Variants in PPP1R9A observed in about 807,000 individuals in gnomAD.
PPP1R9A encodes the protein protein phosphatase 1 regulatory subunit 9A.
PPP1R9A carries 59 observed loss-of-function variants against 141.9 expected under a neutral mutation model. That is an observed-to-expected ratio of 0.42 (90% CI 0.34 to 0.52). The LOEUF (loss-of-function observed/expected upper bound fraction) is 0.52. PPP1R9A is among the 20% of genes least tolerant of loss of function. The probability of loss-of-function intolerance (pLI) is 0.10; values close to 1 mark genes in which losing one functional copy is unlikely to be tolerated. For synonymous variants in PPP1R9A, 500 were observed against 569.7 expected (o/e 0.88, Z 1.74); for missense variants, 1,444 against 1,611.9 (o/e 0.90, Z 1.78).
At chr7:95,022,631 G>T (rs1368594064) in intron 2 of PPP1R9A, among the ~76,000 whole-genome samples, 1 of 151,996 alleles carries the variant, frequency 6.6e-6, no homozygotes, top group Admixed American at 6.6e-5. Flanking sequence ...CAAATAGCTG[G>T]TCTTATTTTG....
At chr7:95,003,663 C>T (rs1803235245) in intron 2 of PPP1R9A, among the ~76,000 whole-genome samples, 1 of 152,166 alleles carries the variant, frequency 6.6e-6, no homozygotes, top group Admixed American at 6.6e-5. Context: ...TGGTTCTCAA[C>T]CCTGGCTACT....
At chr7:95,027,434 A>G (rs1584343921) in intron 2 of PPP1R9A, among the ~76,000 whole-genome samples, 1 of 152,092 alleles carries the variant, frequency 6.6e-6, no homozygotes, top group Non-Finnish European at 1.5e-5. Context: ...ACCAGTCCCC[A>G]TGAGATGAGC....
intron 2 of PPP1R9A, among the ~76,000 whole-genome samples, chr7:94,978,637 A>G (rs1207989686): frequency 6.6e-6 from 1 of 152,198 alleles, no homozygotes; most frequent in Non-Finnish European, 1.5e-5. Flanking sequence ...TTTTCCCAAA[A>G]TAAACACCAG....
intron 2 of PPP1R9A, among the ~76,000 whole-genome samples, chr7:95,080,505 C>G (rs1365289419): frequency 6.6e-6 from 1 of 152,098 alleles, no homozygotes; most frequent in African/African-American, 2.4e-5. Context: ...ATGAAAATGG[C>G]CATACTGCCC....
At chr7:95,143,082 C>A (rs1017990893) in intron 4 of PPP1R9A, among the ~76,000 whole-genome samples, 6 of 152,068 alleles carry the variant, frequency 3.9e-5, no homozygotes, top group African/African-American at 1.4e-4. Flanking sequence ...AGTCCTGGCC[C>A]TCTTTGTTGA....
At chr7:95,088,250 G>A (rs1816892348) in intron 2 of PPP1R9A, among the ~76,000 whole-genome samples, 1 of 151,968 alleles carries the variant, frequency 6.6e-6, no homozygotes, top group Admixed American at 6.6e-5. Flanking sequence ...AATGAGAAGA[G>A]CATTCATCAC....
At chr7:95,011,316 C>T (rs1340232051) in intron 2 of PPP1R9A, among the ~76,000 whole-genome samples, 1 of 151,980 alleles carries the variant, frequency 6.6e-6, no homozygotes, top group Non-Finnish European at 1.5e-5. Context: ...TAGTCTTTCT[C>T]GGAGTTTCTT....
intron 7 of PPP1R9A, among the ~76,000 whole-genome samples, chr7:95,219,027 A>G (rs1204073448): frequency 1.3e-5 from 2 of 152,034 alleles, no homozygotes; most frequent in African/African-American, 2.4e-5. Context: ...TTAGCTGGTT[A>G]TTTTGCTCGT....
chr7:94,994,393 C>T (rs984075115), intron 2 of PPP1R9A, among the ~76,000 whole-genome samples: 1 of 151,860 alleles, frequency 6.6e-6, no homozygotes, highest in Non-Finnish European at 1.5e-5. Flanking sequence ...GCCAAGATGC[C>T]GTATTTTGGG....
rs759479039 is a variant in PPP1R9A at position 95,286,341 on chromosome 7, T to C, written c.3729+16T>C. 1 of 1,611,408 alleles carries C rather than the reference T, an allele frequency of 6.2e-7. No individual in the cohort carries two copies. The highest frequency in any genetic ancestry group is 1.7e-4 in the Middle Eastern group (1 of 6,044). The stretch of plus-strand genomic sequence containing the variant: ...ATCAGATGAGGTAATTCCATGGCAC[T>C]ATGACAGAGCTGCTTTGTCAAATCT... On this transcript the variant is annotated intron_variant, in intron 18 of 19. Coordinates refer to ENST00000433360, the MANE Select transcript of PPP1R9A (RefSeq NM_001166160.2).
intron 2 of PPP1R9A, among the ~76,000 whole-genome samples, chr7:94,986,873 A>C (rs1452927412): frequency 6.6e-6 from 1 of 152,238 alleles, no homozygotes; most frequent in Non-Finnish European, 1.5e-5. Flanking sequence ...TTTTTATTAT[A>C]AGATTGGCTT....
chr7:95,117,481 A>G (rs2152470184), intron 3 of PPP1R9A, among the ~76,000 whole-genome samples: 1 of 152,268 alleles, frequency 6.6e-6, no homozygotes, highest in Non-Finnish European at 1.5e-5. Flanking sequence ...GCTTGAGTTA[A>G]TATTGCTTTT....
At chr7:94,939,800 A>C (rs983573321) in intron 2 of PPP1R9A, among the ~76,000 whole-genome samples, 14 of 133,498 alleles carry the variant, frequency 1.0e-4, no homozygotes, top group African/African-American at 3.8e-4. Flanking sequence ...ATATGTATAC[A>C]TACATGTATA....
chr7:95,093,752 CTA>C (rs904715782), intron 2 of PPP1R9A, among the ~76,000 whole-genome samples: 1 of 152,082 alleles, frequency 6.6e-6, no homozygotes, highest in Non-Finnish European at 1.5e-5. Flanking sequence ...AACATTACAT[CTA>C]TGTTATTAAG....
chr7:95,124,057 A>G (rs995282516), intron 4 of PPP1R9A, among the ~76,000 whole-genome samples: 5 of 152,188 alleles, frequency 3.3e-5, no homozygotes, highest in Non-Finnish European at 5.9e-5. Context: ...GTGGTTGTAT[A>G]TGTGCATATG....
intron 4 of PPP1R9A, among the ~76,000 whole-genome samples, chr7:95,141,267 A>C (rs543952215): frequency 6.6e-6 from 1 of 152,180 alleles, no homozygotes; most frequent in African/African-American, 2.4e-5. Flanking sequence ...GTGATTAGAA[A>C]TATATTTTAT....
chr7:95,016,829 T>A (rs1805172697), intron 2 of PPP1R9A, among the ~76,000 whole-genome samples: 1 of 152,162 alleles, frequency 6.6e-6, no homozygotes, highest in East Asian at 1.9e-4. Flanking sequence ...AGGTATGTGT[T>A]ATGGATTGAA....
intron 2 of PPP1R9A, among the ~76,000 whole-genome samples, chr7:94,961,211 T>C (rs1797608520): frequency 6.6e-6 from 1 of 151,658 alleles, no homozygotes; most frequent in Non-Finnish European, 1.5e-5. Context: ...AACTTATAAA[T>C]AAATGACACA....
chr7:94,997,772 A>G (rs1802381462), intron 2 of PPP1R9A, among the ~76,000 whole-genome samples: 1 of 152,152 alleles, frequency 6.6e-6, no homozygotes, highest in African/African-American at 2.4e-5. Context: ...TGAGCTCACT[A>G]GTACTCAGCC....
Sources: gnomAD v4.1 joint callset for allele counts (sites outside exome capture counted in the v4.1 genomes callset) on GRCh38, gnomAD v4.1.1 for gene constraint, MANE v1.5 for transcripts, NCBI Gene and HGNC (gene_info 2026-07-23, HGNC 2026-07-21) for gene names.